The following ERCC8 variants were observed in gnomAD, a reference collection of about 807,000 sequenced individuals.
ERCC8 encodes the protein DNA excision repair protein ERCC-8.
Under a neutral mutation model 54.9 loss-of-function variants are expected in ERCC8, and 52 were observed. The ratio of observed to expected loss-of-function variants is 0.95; its 90% CI spans 0.76 to 1.19. ERCC8 has a LOEUF of 1.19. Ranked by LOEUF, ERCC8 falls within the 50% of genes most tolerant of loss-of-function variation. The probability of loss-of-function intolerance (pLI) is 0.00; values close to 1 mark genes in which losing one functional copy is unlikely to be tolerated. For missense variants in ERCC8, 514 were observed against 466.1 expected, an observed-to-expected ratio of 1.10 and a Z score of -0.95; for synonymous variants, 146 against 157.2, an observed-to-expected ratio of 0.93 and a Z score of 0.53.
intron 2 of ERCC8, among the ~76,000 whole-genome samples, chr5:60,924,136 A>T (rs1379981830): frequency 6.6e-6 from 1 of 152,022 alleles, no homozygotes; most frequent in Non-Finnish European, 1.5e-5. Context: ...TCCAGCCTGG[A>T]CTTTGGTGAC....
In ERCC8 at chr5:60,867,340, C is replaced by T. The variant is rs765639615; in HGVS notation, c.*7275G>A. Among the ~76,000 whole-genome samples the T allele has an allele frequency of 2.0e-5, 3 of 151,062 alleles. No individual in the cohort carries two copies. Among genetic ancestry groups the T allele is most frequent in the African/African-American group, 4.9e-5 (2 of 41,106 alleles). ...GGCGATCTCGGCTCACTGCAACCTCCGCCTTCAGGGTTCAGGCCATTCTCC... is the reference window on the plus strand; with the variant it reads ...GGCGATCTCGGCTCACTGCAACCTCTGCCTTCAGGGTTCAGGCCATTCTCC... On this transcript the variant is annotated 3_prime_UTR_variant, in exon 12 of 12. Transcript: ENST00000676185.
chr5:60,925,771 TG>T (rs892392819), intron 2 of ERCC8, among the ~76,000 whole-genome samples: 6 of 152,180 alleles, frequency 3.9e-5, no homozygotes, highest in African/African-American at 1.4e-4. Context: ...AGTCTCTTTA[TG>T]TGTTTTAATG....
At chr5:60,878,986 G>A (rs1054001896) in intron 11 of ERCC8, among the ~76,000 whole-genome samples, 1 of 151,954 alleles carries the variant, frequency 6.6e-6, no homozygotes, top group African/African-American at 2.4e-5. Context: ...GATCTTTCCT[G>A]CTTTCTCTTG....
chr5:60,944,294 T>C (rs1294209262), intron 1 of ERCC8, among the ~76,000 whole-genome samples: 1 of 152,024 alleles, frequency 6.6e-6, no homozygotes, highest in Non-Finnish European at 1.5e-5. Flanking sequence ...CGGACAAGTG[T>C]AATCACAACA....
intron 11 of ERCC8, among the ~76,000 whole-genome samples, chr5:60,881,611 G>T (rs1748228484): frequency 6.6e-6 from 1 of 152,196 alleles, no homozygotes. Context: ...ATCTCAGACT[G>T]CTGTGCTAGC....
chr5:60,899,639 C>T lies in ERCC8; in HGVS notation c.706G>A (p.Ala236Thr). 1.9e-6 allele frequency: 3 copies of T among 1,609,244 alleles called. No individual in the cohort carries two copies. Among genetic ancestry groups the T allele is most frequent in the Non-Finnish European group, 2.6e-6 (3 of 1,176,166 alleles). Residue 236 changes from alanine to threonine, a missense_variant, in exon 8 of 12, where the codon GCT becomes ACT. Transcript: ENST00000676185. ...CGTTCTTCCTTACCTGATTCAACAGCTTGTGACTTTTTCCCATTATGTTGA... is the reference window on the plus strand; with the variant it reads ...CGTTCTTCCTTACCTGATTCAACAGTTTGTGACTTTTTCCCATTATGTTGA... ...LDQHNGKKSQ[A>T]VESANTAHNG...
At chr5:60,938,242 A>G (rs1750147583) in intron 1 of ERCC8, among the ~76,000 whole-genome samples, 2 of 150,946 alleles carry the variant, frequency 1.3e-5, no homozygotes. Context: ...CTGAAATGTA[A>G]TTATGAATTT....
chr5:60,918,154 C>T, intron 4 of ERCC8, 111 bp downstream of exon 4: 1 of 867,180 alleles, frequency 1.2e-6, no homozygotes, highest in Non-Finnish European at 1.9e-6. Context: ...CACTGTACTG[C>T]TTTCACATCT....
chr5:60,925,335 C>T (rs1749715229), intron 2 of ERCC8, among the ~76,000 whole-genome samples: 1 of 152,184 alleles, frequency 6.6e-6, no homozygotes, highest in South Asian at 2.1e-4. Flanking sequence ...CTCTGTACTG[C>T]TCAATTTGGA....
At chr5:60,876,347 C>G (rs1748007148) in intron 11 of ERCC8, among the ~76,000 whole-genome samples, 1 of 152,206 alleles carries the variant, frequency 6.6e-6, no homozygotes, top group African/African-American at 2.4e-5. Flanking sequence ...CATACGTGTG[C>G]ATGTGTCTTT....
At chr5:60,917,583 A>T (rs1749473973) in intron 4 of ERCC8, 1 of 152,052 alleles carries the variant, frequency 6.6e-6, no homozygotes, top group Non-Finnish European at 1.5e-5. Flanking sequence ...TAGAAAAGAG[A>T]GGTATGAGAG....
chr5:60,889,320 C>T (rs1748481327), intron 10 of ERCC8, among the ~76,000 whole-genome samples: 1 of 152,110 alleles, frequency 6.6e-6, no homozygotes, highest in Admixed American at 6.6e-5. Flanking sequence ...ACTTACTTAT[C>T]CCAGCCTAGA....
intron 9 of ERCC8, among the ~76,000 whole-genome samples, chr5:60,896,584 G>A (rs1002605137): frequency 1.3e-5 from 2 of 152,280 alleles, no homozygotes; most frequent in Admixed American, 1.3e-4. Flanking sequence ...TTAAAAATCT[G>A]AAGACAGTGT....
chr5:60,942,808 T>C (rs971469574), intron 1 of ERCC8, among the ~76,000 whole-genome samples: 4 of 152,198 alleles, frequency 2.6e-5, no homozygotes, highest in African/African-American at 9.6e-5. Context: ...TATACCTCAA[T>C]AAAGTTGTAA....
At chr5:60,881,767 C>T (rs1748238223) in intron 11 of ERCC8, among the ~76,000 whole-genome samples, 1 of 152,208 alleles carries the variant, frequency 6.6e-6, no homozygotes, top group South Asian at 2.1e-4. Flanking sequence ...TCACCCCTTT[C>T]TGTGACTAAG....
chr5:60,938,052 T>TAC (rs1561518937), intron 1 of ERCC8, among the ~76,000 whole-genome samples: 9 of 13,038 alleles, frequency 6.9e-4, no homozygotes, highest in East Asian at 7.7e-3. Flanking sequence ...TACATACATA[T>TAC]ATATATATAT....
chr5:60,882,063 G>C (rs948324819), intron 11 of ERCC8, among the ~76,000 whole-genome samples: 1 of 152,092 alleles, frequency 6.6e-6, no homozygotes, highest in African/African-American at 2.4e-5. Context: ...GGATGATCTC[G>C]ATCTCCTGAT....
At chr5:60,934,945 G>A (rs1283198353) in intron 1 of ERCC8, among the ~76,000 whole-genome samples, 5 of 152,086 alleles carry the variant, frequency 3.3e-5, no homozygotes, top group Non-Finnish European at 7.4e-5. Context: ...ATTACCACTA[G>A]CATGCTGTTT....
chr5:60,900,099 A>C (rs1748832917), intron 7 of ERCC8, among the ~76,000 whole-genome samples: 1 of 152,016 alleles, frequency 6.6e-6, no homozygotes, highest in African/African-American at 2.4e-5. Context: ...AATGCTGTCA[A>C]GACAAGCAAT....
Sources: gnomAD v4.1 joint callset for allele counts (sites outside exome capture counted in the v4.1 genomes callset) on GRCh38, gnomAD v4.1.1 for gene constraint, MANE v1.5 for transcripts, NCBI Gene and HGNC (gene_info 2026-07-23, HGNC 2026-07-21) for gene names.